Variants in KIFC3 observed in about 807,000 individuals in gnomAD.
KIFC3 encodes the protein kinesin family member C3, also known as kinesin-like protein KIFC3.
A neutral mutation model predicts 101.8 loss-of-function variants in KIFC3; 60 were observed. That is an observed-to-expected ratio of 0.59 (90% CI 0.48 to 0.73). KIFC3 has a LOEUF of 0.73. KIFC3 is among the 30% of genes least tolerant of loss of function. The probability of loss-of-function intolerance (pLI) is 0.00; values close to 1 mark genes in which losing one functional copy is unlikely to be tolerated. For missense variants in KIFC3, 966 were observed against 1,137.1 expected (o/e 0.85, Z 2.16); for synonymous variants, 476 against 482.7 (o/e 0.99, Z 0.18).
rs1160861380 is a variant in KIFC3 at position 57,831,261 on chromosome 16, C to T, written c.108+31468G>A. Among the ~76,000 whole-genome samples, 10 of 152,318 alleles carry T rather than the reference C, an allele frequency of 6.6e-5. No individual in the cohort carries two copies. In the East Asian group the frequency reaches 1.9e-3, roughly 29 times the overall value. Reference sequence around the variant, plus strand: ...ACCAGGGGCCTGAACCCTGCTAACCCCACGGGGGGTTCTCACAGCCAAAAG... The same window carrying T: ...ACCAGGGGCCTGAACCCTGCTAACCTCACGGGGGGTTCTCACAGCCAAAAG... On this transcript the variant is annotated intron_variant, in intron 1 of 2. Coordinates refer to the KIFC3 transcript ENST00000563028.
rs1171039715 is a variant in KIFC3, at chr16:57,784,024, C to T, written c.315+10975G>A. Among the ~76,000 whole-genome samples the T allele has an allele frequency of 2.0e-5, 3 of 152,188 alleles. No individual in the cohort carries two copies. The East Asian group carries it at 5.8e-4, about 29-fold the overall frequency. On this transcript the variant is annotated intron_variant, in intron 3 of 19. Transcript: ENST00000445690. ...CTCTGCTCTGTCCCAGAGCTCAGCTCAAGACGCCCAGGGACAAGCCCTCGA... is the reference window on the plus strand; with the variant it reads ...CTCTGCTCTGTCCCAGAGCTCAGCTTAAGACGCCCAGGGACAAGCCCTCGA...
chr16:57,813,977 C>A, intron 1 of KIFC3: 1 of 569,998 alleles, frequency 1.8e-6, no homozygotes, highest in Non-Finnish European at 2.2e-6. Flanking sequence ...TGTCCTCATG[C>A]TATAGATTTG....
chr16:57,848,585 GCC>G (rs1186370301), intron 1 of KIFC3, among the ~76,000 whole-genome samples: 5 of 152,170 alleles, frequency 3.3e-5, no homozygotes, highest in Admixed American at 1.3e-4. Context: ...CTGTGACTGA[GCC>G]ACTGCCACTC....
chr16:57,853,439 A>AAAATC (rs2056098802), intron 1 of KIFC3, among the ~76,000 whole-genome samples: 1 of 151,706 alleles, frequency 6.6e-6, no homozygotes, highest in Non-Finnish European at 1.5e-5. Context: ...AAAATAAAAT[A>AAAATC]AAATAAAATA....
rs2054494500 is a variant in KIFC3 at position 57,798,199 on chromosome 16, C to T, written c.45G>A (p.Ser15=). The T allele has an allele frequency of 6.5e-7, 1 of 1,544,562 alleles. No homozygotes were observed. Among genetic ancestry groups the T allele is most frequent in the Non-Finnish European group, 8.7e-7 (1 of 1,145,084 alleles). The change falls in exon 2 of 20, where the codon TCG becomes TCA. Residue 15 remains serine, a synonymous_variant. Transcript: ENST00000445690. ...RRTWNLGATP[S]LRGLWRVGRA... The stretch of plus-strand genomic sequence containing the variant: ...GGCCCACTCTCCACAGGCCCCGCAG[C>T]GAGGGCGTGGCTCCCAGGTTCCACG...
At chr16:57,803,020 C>A, upstream of KIFC3, 1 of 1,535,930 alleles carries the variant, frequency 6.5e-7, no homozygotes, top group Non-Finnish European at 8.7e-7. Flanking sequence ...CATGCACTCA[C>A]ACTGTTTACA....
chr16:57,759,738 C>T lies in KIFC3; in HGVS notation c.2466G>A (p.Leu822=). ...SSRPGSIRRK[L]QPSA ...CCACTCCAGGCTCACCCGAGGGCTG[C>T]AGCTTCCTCCGGATGGATCCAGGGC... The change falls in exon 18 of 20, where the codon CTG becomes CTA. Residue 822 remains leucine (L), a synonymous_variant. Coordinates refer to ENST00000445690, the MANE Select transcript of KIFC3 (RefSeq NM_001130100.2). 12 of 1,609,340 alleles carry T rather than the reference C, an allele frequency of 7.5e-6. No homozygotes were observed. The highest frequency in any genetic ancestry group is 1.0e-5 in the Non-Finnish European group (12 of 1,177,846).
At chr16:57,801,014 C>T (rs2054690241) in intron 1 of KIFC3, among the ~76,000 whole-genome samples, 2 of 152,164 alleles carry the variant, frequency 1.3e-5, no homozygotes, top group Admixed American at 6.5e-5. Flanking sequence ...GGGAGAACAC[C>T]ACCTTATAGG....
intron 1 of KIFC3, among the ~76,000 whole-genome samples, chr16:57,840,329 C>T (rs1276743567): frequency 2.6e-5 from 4 of 151,846 alleles, no homozygotes; most frequent in Admixed American, 6.6e-5. Context: ...CAGAGCAAGA[C>T]TCTGTCTCGA....
intron 1 of KIFC3, among the ~76,000 whole-genome samples, chr16:57,858,281 T>A (rs2056221947): frequency 6.6e-6 from 1 of 152,202 alleles, no homozygotes; most frequent in Non-Finnish European, 1.5e-5. Context: ...GCAATCCAAA[T>A]GTCCATTATA....
chr16:57,770,452 T>A (rs1300617004), intron 7 of KIFC3, 75 bp downstream of exon 7: 1 of 1,290,772 alleles, frequency 7.7e-7, no homozygotes, highest in Non-Finnish European at 1.0e-6. Context: ...TACCCAAATG[T>A]TTAACCGATG....
intron 1 of KIFC3, among the ~76,000 whole-genome samples, chr16:57,845,915 A>C (rs752063343): frequency 6.6e-6 from 1 of 152,108 alleles, no homozygotes; most frequent in Admixed American, 6.6e-5. Context: ...GCACTGGTAG[A>C]GTTTAAACTT....
upstream of KIFC3, chr16:57,803,537 G>A: frequency 2.6e-6 from 1 of 379,904 alleles, no homozygotes; most frequent in Non-Finnish European, 5.3e-6. Flanking sequence ...GACTGGAGGG[G>A]GTCGGGCAAC....
intron 1 of KIFC3, among the ~76,000 whole-genome samples, chr16:57,851,883 G>C (rs942587069): frequency 6.6e-6 from 1 of 152,122 alleles, no homozygotes; most frequent in African/African-American, 2.4e-5. Context: ...GGGATTACAG[G>C]CATGTACCAC....
intron 3 of KIFC3, among the ~76,000 whole-genome samples, chr16:57,781,674 A>G (rs782694025): frequency 1.3e-5 from 2 of 152,258 alleles, no homozygotes; most frequent in Non-Finnish European, 2.9e-5. Flanking sequence ...CCCAACAGTG[A>G]TAATGGAGCC....
intron 1 of KIFC3, among the ~76,000 whole-genome samples, chr16:57,823,864 T>C (rs1270929125): frequency 6.6e-6 from 1 of 150,828 alleles, no homozygotes; most frequent in East Asian, 2.0e-4. Context: ...CCTGACCTCA[T>C]GATCTGCCCG....
At chr16:57,776,689 AC>A (rs1555612014) in intron 3 of KIFC3, 3 of 152,356 alleles carry the variant, frequency 2.0e-5, no homozygotes. Context: ...TTCAGTAAGT[AC>A]CTGTAGGAAG....
intron 3 of KIFC3, among the ~76,000 whole-genome samples, chr16:57,789,185 C>A (rs547408649): frequency 5.4e-4 from 82 of 152,360 alleles, no homozygotes; most frequent in African/African-American, 1.6e-3. Flanking sequence ...CCAGGACTGC[C>A]AAGGAGGCTG....
intron 11 of KIFC3, among the ~76,000 whole-genome samples, chr16:57,765,101 C>T (rs1555601503): frequency 6.6e-6 from 1 of 151,662 alleles, no homozygotes; most frequent in African/African-American, 2.4e-5. Flanking sequence ...ATAGGAGGGG[C>T]CACATGGTGG....
Sources: gnomAD v4.1 joint callset for allele counts (sites outside exome capture counted in the v4.1 genomes callset) on GRCh38, gnomAD v4.1.1 for gene constraint, MANE v1.5 for transcripts, NCBI Gene and HGNC (gene_info 2026-07-23, HGNC 2026-07-21) for gene names.